The following NCAPG2 variants were observed in gnomAD, a reference collection of about 807,000 sequenced individuals.
The protein encoded by NCAPG2 is condensin-2 complex subunit G2.
In NCAPG2, 53 loss-of-function variants were observed where a neutral mutation model predicts 141.1. The ratio of observed to expected loss-of-function variants is 0.38; its 90% CI spans 0.30 to 0.47. The LOEUF (loss-of-function observed/expected upper bound fraction) is 0.47, where lower values mean the gene tolerates loss of function less well. NCAPG2 is among the 20% of genes least tolerant of loss of function. The pLI, the probability that NCAPG2 is intolerant of heterozygous loss-of-function variation, is 0.99. For synonymous variants in NCAPG2, 499 were observed against 490.7 expected (o/e 1.02, Z -0.22); for missense variants, 1,087 against 1,389.0 (o/e 0.78, Z 3.46).
intron 2 of NCAPG2, among the ~76,000 whole-genome samples, chr7:158,699,145 AC>A (rs1835636509): frequency 6.6e-6 from 1 of 151,896 alleles, no homozygotes. Flanking sequence ...TAGAACATAA[AC>A]CCCCATTTGT....
At chr7:158,664,141 C>T in intron 15 of NCAPG2, 43 bp downstream of exon 15, 1 of 1,431,418 alleles carries the variant, frequency 7.0e-7, no homozygotes, top group Non-Finnish European at 9.9e-7. Context: ...GGGAGTGATG[C>T]CACTGAGGCA....
At chr7:158,698,861 C>G (rs977092416) in intron 2 of NCAPG2, among the ~76,000 whole-genome samples, 1 of 151,524 alleles carries the variant, frequency 6.6e-6, no homozygotes, top group African/African-American at 2.4e-5. Flanking sequence ...TCATAGCTCA[C>G]TGTAGCCTCA....
chr7:158,701,972 C>T (rs1411770957), intron 1 of NCAPG2, 34 bp from the exon 2 acceptor site: 7 of 1,253,850 alleles, frequency 5.6e-6, no homozygotes, highest in Non-Finnish European at 7.9e-6. Flanking sequence ...GAAACACTTG[C>T]AAATATATCT....
rs79075741 is a variant in NCAPG2, at chr7:158,647,202, T to C, written c.3076-639A>G. On this transcript the variant is annotated intron_variant, in intron 24 of 27. Transcript: ENST00000356309. ...ATTTAACATTGTACTCCTGTCTAAA[T>C]TGGCGTTTCTCAATCTCAGCACTAC... 5.1e-3 allele frequency among the ~76,000 whole-genome samples: 772 copies of C among 152,328 alleles called. 45 individuals carry two copies. In the East Asian group the frequency reaches 0.12, roughly 23 times the overall value.
In NCAPG2 at chr7:158,656,267, G is replaced by A. The variant is rs10248318; in HGVS notation, c.2381C>T (p.Thr794Met). The change falls in exon 19 of 28, where the codon ACG becomes ATG. Residue 794 changes from threonine to methionine, a missense_variant. Physicochemically the swap from Thr to Met is moderately conservative, Grantham distance 81. Transcript: ENST00000356309. ...KLNHLLKALE[T>M]SKADLESLLQ... ...CTCAGGGCACAGAGTTACCTTTGACGTTTCAAGGGCTTTCAAAAGATGGTT... is the reference window on the plus strand; with the variant it reads ...CTCAGGGCACAGAGTTACCTTTGACATTTCAAGGGCTTTCAAAAGATGGTT... The A allele has an allele frequency of 1.1e-3, 1,850 of 1,613,966 alleles. 16 individuals carry two copies. The African/African-American group carries it at 0.02, about 17-fold the overall frequency.
At chr7:158,638,875 CTG>C (rs1239672297) in intron 27 of NCAPG2, among the ~76,000 whole-genome samples, 2 of 152,180 alleles carry the variant, frequency 1.3e-5, no homozygotes, top group South Asian at 4.1e-4. Flanking sequence ...CTCACAAATG[CTG>C]TGTGTGAGCC....
chr7:158,702,823 C>T (rs879321655), intron 1 of NCAPG2, among the ~76,000 whole-genome samples: 3 of 152,036 alleles, frequency 2.0e-5, no homozygotes, highest in Non-Finnish European at 4.4e-5. Flanking sequence ...TAATGACTCC[C>T]GAAATAAGTT....
At chr7:158,661,388 T>C (rs1290988284) in intron 16 of NCAPG2, among the ~76,000 whole-genome samples, 2 of 152,150 alleles carry the variant, frequency 1.3e-5, no homozygotes, top group Non-Finnish European at 2.9e-5. Flanking sequence ...AATATAAACT[T>C]CCTTCAGAAG....
rs543027711 is a variant in NCAPG2 at position 158,683,814 on chromosome 7, G to A, written c.838-428C>T. 3.1e-4 allele frequency among the ~76,000 whole-genome samples: 47 copies of A among 152,296 alleles called. 1 individual carries two copies. The South Asian group carries it at 9.5e-3, about 31-fold the overall frequency. ...AGAACAAAAACAGAACTACCTCTAC[G>A]GCGGAAACTGTAAATAAGATATTTC... On this transcript the variant is annotated intron_variant, in intron 8 of 27. Transcript: ENST00000356309.
intron 5 of NCAPG2, among the ~76,000 whole-genome samples, chr7:158,690,295 T>A (rs1264238647): frequency 6.6e-6 from 1 of 152,218 alleles, no homozygotes; most frequent in East Asian, 1.9e-4. Context: ...GGAACTGAAT[T>A]TTTCATTATT....
At chr7:158,701,768 CA>C in intron 2 of NCAPG2, 53 bp downstream of exon 2, 1 of 1,443,584 alleles carries the variant, frequency 6.9e-7, no homozygotes, top group East Asian at 2.3e-5. Flanking sequence ...GACTTTAGAA[CA>C]TATTTCATAT....
intron 14 of NCAPG2, 92 bp downstream of exon 14, chr7:158,664,436 C>G: frequency 6.6e-7 from 1 of 1,514,262 alleles, no homozygotes; most frequent in Non-Finnish European, 9.0e-7. Context: ...AAGTATGAAG[C>G]TTATTAAATT....
chr7:158,698,787 ATTTTT>A (rs5888768), intron 2 of NCAPG2, among the ~76,000 whole-genome samples: 230 of 143,240 alleles, frequency 1.6e-3, no homozygotes, highest in African/African-American at 5.5e-3. Context: ...TAGTAGTAGT[ATTTTT>A]TTTTTTTTTT....
intron 1 of NCAPG2, 87 bp from the exon 2 acceptor site, chr7:158,702,025 A>C: frequency 1.2e-6 from 1 of 805,810 alleles, no homozygotes; most frequent in South Asian, 2.0e-5. Flanking sequence ...CAAGAACTGC[A>C]AGAAAATTCC....
At chr7:158,650,340 C>T (rs961016211) in intron 24 of NCAPG2, among the ~76,000 whole-genome samples, 1 of 152,160 alleles carries the variant, frequency 6.6e-6, no homozygotes, top group Non-Finnish European at 1.5e-5. Context: ...CCACTGCGCC[C>T]AGTCTAAACT....
At chr7:158,665,768 C>T (rs185492169) in intron 13 of NCAPG2, among the ~76,000 whole-genome samples, 1 of 152,302 alleles carries the variant, frequency 6.6e-6, no homozygotes, top group African/African-American at 2.4e-5. Context: ...AGTCCACCCT[C>T]ACTGAAGTTG....
In NCAPG2 at chr7:158,659,128, G is replaced by A. The variant is rs1055280330; in HGVS notation, c.1990-720C>T. Among the ~76,000 whole-genome samples the A allele has an allele frequency of 1.3e-4, 19 of 151,004 alleles. 1 individual carries two copies. The South Asian group carries it at 1.7e-3, about 13-fold the overall frequency. On this transcript the variant is annotated intron_variant, in intron 16 of 27. Coordinates refer to ENST00000356309, the MANE Select transcript of NCAPG2 (RefSeq NM_017760.7). The stretch of plus-strand genomic sequence containing the variant: ...CTGGATCACCTGAGGTTAGGAGTTC[G>A]AGAGCAGCCTGATCAACATGGTGAA...
chr7:158,632,434 T>C (rs1487288886), intron 27 of NCAPG2, among the ~76,000 whole-genome samples: 1 of 152,234 alleles, frequency 6.6e-6, no homozygotes, highest in African/African-American at 2.4e-5. Flanking sequence ...CCACAACTCC[T>C]GCATGGCTCC....
chr7:158,681,283 C>G (rs1175389847), intron 9 of NCAPG2, among the ~76,000 whole-genome samples: 1 of 152,182 alleles, frequency 6.6e-6, no homozygotes, highest in Admixed American at 6.5e-5. Context: ...CACTTAGTGA[C>G]CCCTCACTGT....
Sources: allele counts gnomAD v4.1 joint callset (sites outside exome capture counted in the v4.1 genomes callset), GRCh38; gene constraint gnomAD v4.1.1; transcripts MANE v1.5; gene names NCBI Gene and HGNC (gene_info 2026-07-23, HGNC 2026-07-21).